EIF4EBP1: variants seen among roughly 807,000 people sequenced by gnomAD.
EIF4EBP1 encodes eukaryotic translation initiation factor 4E binding protein 1.
A neutral mutation model predicts 9.2 loss-of-function variants in EIF4EBP1; 5 were observed. The observed-to-expected ratio is 0.54, with a 90% CI of 0.28 to 1.14. The LOEUF (loss-of-function observed/expected upper bound fraction) is 1.14, where lower values mean the gene tolerates loss of function less well. Ranked by LOEUF, EIF4EBP1 falls within the 50% of genes most tolerant of loss-of-function variation. EIF4EBP1 has a pLI of 0.09. For synonymous variants in EIF4EBP1, 62 were observed against 67.0 expected (o/e 0.93, Z 0.36); for missense variants, 139 against 169.6 (o/e 0.82, Z 1.00).
intron 1 of EIF4EBP1, among the ~76,000 whole-genome samples, chr8:38,051,797 A>G (rs1274144130): frequency 3.9e-5 from 6 of 152,014 alleles, no homozygotes; most frequent in African/African-American, 1.5e-4. Flanking sequence ...GGATTTCGCC[A>G]TGTTGGCCAG....
chr8:38,035,310 T>C (rs1035937034), intron 1 of EIF4EBP1, among the ~76,000 whole-genome samples: 1 of 151,898 alleles, frequency 6.6e-6, no homozygotes, highest in African/African-American at 2.4e-5. Context: ...CTACGCCTCC[T>C]GGGTTCAAGT....
intron 1 of EIF4EBP1, among the ~76,000 whole-genome samples, chr8:38,045,695 ACT>A (rs1310170054): frequency 1.3e-5 from 2 of 152,028 alleles, no homozygotes; most frequent in Non-Finnish European, 2.9e-5. Flanking sequence ...GCAGACCGAG[ACT>A]CTATCTCAAA....
rs199789824 is a variant in EIF4EBP1, at chr8:38,057,181, C to A, written c.246C>A (p.Thr82=). The A allele has an allele frequency of 1.7e-5, 27 of 1,614,244 alleles. No homozygotes were observed. In the African/African-American group the frequency reaches 2.9e-4, roughly 18 times the overall value. Reference sequence around the variant, plus strand: ...ATCTGCCCACCATTCCGGGGGTCACCAGCCCTTCCAGTGATGAGCCCCCCA... The same window carrying A: ...ATCTGCCCACCATTCCGGGGGTCACAAGCCCTTCCAGTGATGAGCCCCCCA... ...PRDLPTIPGV[T]SPSSDEPPME... Residue 82 remains threonine, a synonymous_variant, in exon 2 of 3, where the codon ACC becomes ACA. Coordinates refer to ENST00000338825, the MANE Select transcript of EIF4EBP1 (RefSeq NM_004095.4).
intron 1 of EIF4EBP1, among the ~76,000 whole-genome samples, chr8:38,045,244 G>T (rs964894383): frequency 1.3e-5 from 2 of 152,096 alleles, no homozygotes; most frequent in Non-Finnish European, 2.9e-5. Flanking sequence ...CTGACATGTG[G>T]CAAGCTCAGG....
At chr8:38,037,921 A>G (rs1563414626) in intron 1 of EIF4EBP1, among the ~76,000 whole-genome samples, 1 of 151,716 alleles carries the variant, frequency 6.6e-6, no homozygotes, top group African/African-American at 2.4e-5. Context: ...CTACAGGCAC[A>G]CACCACCACG....
intron 1 of EIF4EBP1, among the ~76,000 whole-genome samples, chr8:38,056,223 C>G (rs897903839): frequency 6.6e-6 from 1 of 152,036 alleles, no homozygotes; most frequent in Non-Finnish European, 1.5e-5. Flanking sequence ...AGCTCCTGGG[C>G]TCAAGCAGTC....
At chr8:38,036,473 A>G (rs1442790768) in intron 1 of EIF4EBP1, among the ~76,000 whole-genome samples, 2 of 152,214 alleles carry the variant, frequency 1.3e-5, no homozygotes, top group African/African-American at 4.8e-5. Context: ...GTCTCAAAGA[A>G]AAAAGAGAGA....
rs530377199 is a variant in EIF4EBP1 at position 38,031,509 on chromosome 8, C to G, written c.145+791C>G. Among the ~76,000 whole-genome samples the G allele has an allele frequency of 2.0e-5, 3 of 152,342 alleles. No homozygotes were observed. In the South Asian group the frequency reaches 6.2e-4, roughly 32 times the overall value. Reference sequence around the variant, plus strand: ...CACAGACGCTGATGAAACCTACGCGCCTGTTTGCATGATGAAATAAATCCT... The same window carrying G: ...CACAGACGCTGATGAAACCTACGCGGCTGTTTGCATGATGAAATAAATCCT... On this transcript the variant is annotated intron_variant, in intron 1 of 2. Coordinates refer to ENST00000338825, the MANE Select transcript of EIF4EBP1 (RefSeq NM_004095.4).
At chr8:38,036,619 T>C (rs1035154371) in intron 1 of EIF4EBP1, among the ~76,000 whole-genome samples, 1 of 152,188 alleles carries the variant, frequency 6.6e-6, no homozygotes, top group Middle Eastern at 3.2e-3. Context: ...TAGACCTTTA[T>C]TTTCATGTTC....
At chr8:38,031,952 G>T (rs1809229322) in intron 1 of EIF4EBP1, among the ~76,000 whole-genome samples, 5 of 152,194 alleles carry the variant, frequency 3.3e-5, no homozygotes, top group Admixed American at 3.3e-4. Context: ...CCAAGGAAAA[G>T]CTCGCAGGGG....
chr8:38,053,303 C>T (rs1031328623), intron 1 of EIF4EBP1, among the ~76,000 whole-genome samples: 1 of 152,148 alleles, frequency 6.6e-6, no homozygotes, highest in East Asian at 1.9e-4. Context: ...CAAGCATGAG[C>T]CACTGTACCT....
At chr8:38,053,501 C>T (rs1463217634) in intron 1 of EIF4EBP1, among the ~76,000 whole-genome samples, 2 of 152,228 alleles carry the variant, frequency 1.3e-5, no homozygotes, top group African/African-American at 2.4e-5. Context: ...CAGGTGTGTG[C>T]CACCACGCCT....
chr8:38,038,850 G>C (rs1326033420), intron 1 of EIF4EBP1, among the ~76,000 whole-genome samples: 1 of 151,688 alleles, frequency 6.6e-6, no homozygotes, highest in Non-Finnish European at 1.5e-5. Flanking sequence ...ATGCACTCTG[G>C]ACAGCTTTGA....
chr8:38,047,403 C>T (rs1809461326), intron 1 of EIF4EBP1: 2 of 152,044 alleles, frequency 1.3e-5, no homozygotes, highest in African/African-American at 4.8e-5. Context: ...TAAGGATTAA[C>T]ATTTTTGTCC....
chr8:38,037,004 T>TA (rs879813189), intron 1 of EIF4EBP1, among the ~76,000 whole-genome samples: 106 of 147,058 alleles, frequency 7.2e-4, no homozygotes, highest in Middle Eastern at 7.0e-3. Flanking sequence ...AGGTGAGTTT[T>TA]AAAAAAAAAA....
At chr8:38,053,184 A>G (rs182452877) in intron 1 of EIF4EBP1, among the ~76,000 whole-genome samples, 5 of 151,642 alleles carry the variant, frequency 3.3e-5, no homozygotes, top group Non-Finnish European at 7.4e-5. Flanking sequence ...CGCCCAGCTA[A>G]TTTTTGTATT....
At chr8:38,034,366 G>T (rs1809271760) in intron 1 of EIF4EBP1, among the ~76,000 whole-genome samples, 1 of 152,060 alleles carries the variant, frequency 6.6e-6, no homozygotes, top group African/African-American at 2.4e-5. Flanking sequence ...GCTTTCCATG[G>T]TCATTAACCA....
chr8:38,043,661 A>G lies in EIF4EBP1; in HGVS notation c.145+12943A>G, dbSNP rs17736439. ...ACACCTGGCCTGAAGCCAATTTTCA[A>G]AGAAACTGACCTATTCCCTCCCATG... On this transcript the variant is annotated intron_variant, in intron 1 of 2. Transcript: ENST00000338825. 6.7e-3 allele frequency among the ~76,000 whole-genome samples: 1,014 copies of G among 152,118 alleles called. 7 individuals are homozygous for G. Among genetic ancestry groups the G allele is most frequent in the Non-Finnish European group, 0.012 (793 of 67,984 alleles).
chr8:38,049,967 A>G (rs866365659), intron 1 of EIF4EBP1, among the ~76,000 whole-genome samples: 35 of 150,816 alleles, frequency 2.3e-4, no homozygotes, highest in South Asian at 4.2e-4. Flanking sequence ...CCCGGAGTGC[A>G]GTGGCACAAT....
Sources: gnomAD v4.1 joint callset for allele counts (sites outside exome capture counted in the v4.1 genomes callset) on GRCh38, gnomAD v4.1.1 for gene constraint, MANE v1.5 for transcripts, NCBI Gene and HGNC (gene_info 2026-07-23, HGNC 2026-07-21) for gene names.